The following CDYL variants were observed in gnomAD, a reference collection of about 807,000 sequenced individuals.
The protein encoded by CDYL is chromodomain Y-like protein.
A neutral mutation model predicts 47.3 loss-of-function variants in CDYL; 8 were observed. That is an observed-to-expected ratio of 0.17 (90% CI 0.10 to 0.31). CDYL has a LOEUF of 0.31. Among genes scored for constraint, CDYL ranks in the 10% least tolerant of loss-of-function variants. The pLI is 1.00. For missense variants in CDYL, 471 were observed against 701.4 expected (o/e 0.67, Z 3.71); for synonymous variants, 266 against 265.0 (o/e 1.00, Z -0.04).
upstream of CDYL, among the ~76,000 whole-genome samples, chr6:4,774,003 A>C (rs201790425): frequency 6.6e-6 from 1 of 152,088 alleles, no homozygotes; most frequent in Non-Finnish European, 1.5e-5. Flanking sequence ...GTGGATGTCT[A>C]TGTTCCTTTC....
chr6:4,744,247 C>G (rs1201387589), intron 3 of CDYL, among the ~76,000 whole-genome samples: 1 of 152,184 alleles, frequency 6.6e-6, no homozygotes, highest in Non-Finnish European at 1.5e-5. Context: ...AATCCCAGCA[C>G]TCTGGGAGGC....
At chr6:4,729,257 G>A (rs894650934) in intron 2 of CDYL, among the ~76,000 whole-genome samples, 1 of 152,068 alleles carries the variant, frequency 6.6e-6, no homozygotes, top group African/African-American at 2.4e-5. Flanking sequence ...GCTGGCATCC[G>A]GCAAGGTCCT....
chr6:4,725,185 T>C (rs1036466495), intron 2 of CDYL, among the ~76,000 whole-genome samples: 11 of 152,246 alleles, frequency 7.2e-5, no homozygotes, highest in Non-Finnish European at 1.5e-4. Flanking sequence ...TACAGAGTGC[T>C]GATTGGTGTA....
At position 4,954,088 on chromosome 6, in the gene CDYL, C is replaced by T. The variant is rs753436801; in HGVS notation, c.*32C>T. On this transcript the variant is annotated 3_prime_UTR_variant, in exon 7 of 7. Transcript: ENST00000397588. ...GGCTGCCCACTGGTGACACCGGGATCGGGCTGAGCAGGAGAACATCACCGG... is the reference window on the plus strand; with the variant it reads ...GGCTGCCCACTGGTGACACCGGGATTGGGCTGAGCAGGAGAACATCACCGG... 2.7e-5 allele frequency: 43 copies of T among 1,599,340 alleles called. No individual in the cohort carries two copies. Among genetic ancestry groups the T allele is most frequent in the South Asian group, 4.5e-5 (4 of 88,734 alleles).
chr6:4,925,584 T>C (rs1487291428), intron 2 of CDYL, among the ~76,000 whole-genome samples: 2 of 151,762 alleles, frequency 1.3e-5, no homozygotes, highest in Admixed American at 1.3e-4. Context: ...CTCGGCTAAT[T>C]TTTTTGTATT....
intron 1 of CDYL, among the ~76,000 whole-genome samples, chr6:4,823,355 AC>A (rs1217880664): frequency 2.0e-5 from 3 of 152,198 alleles, no homozygotes; most frequent in Non-Finnish European, 4.4e-5. Context: ...TCTAGGGGTG[AC>A]TTTTGGTCTG....
At chr6:4,776,263 C>G (rs1471337875), upstream of CDYL, among the ~76,000 whole-genome samples, 1 of 144,500 alleles carries the variant, frequency 6.9e-6, no homozygotes, top group Non-Finnish European at 1.5e-5. Context: ...GAGCGGAGCC[C>G]ACTGCTCCCC....
At chr6:4,901,108 A>G (rs1018164857) in intron 2 of CDYL, among the ~76,000 whole-genome samples, 9 of 151,854 alleles carry the variant, frequency 5.9e-5, no homozygotes, top group African/African-American at 2.2e-4. Context: ...TGAATATACC[A>G]AAGTATATTT....
intron 3 of CDYL, among the ~76,000 whole-genome samples, chr6:4,769,543 A>G (rs375031187): frequency 1.3e-5 from 2 of 152,204 alleles, no homozygotes; most frequent in South Asian, 4.1e-4. Context: ...TGCTAAATGT[A>G]AAGCAATTGC....
At chr6:4,818,066 G>A (rs1337787793) in intron 1 of CDYL, among the ~76,000 whole-genome samples, 1 of 152,084 alleles carries the variant, frequency 6.6e-6, no homozygotes, top group African/African-American at 2.4e-5. Flanking sequence ...GACCAGCCTT[G>A]GCAACATGGC....
intron 2 of CDYL, among the ~76,000 whole-genome samples, chr6:4,916,397 A>G (rs750880935): frequency 6.6e-6 from 1 of 152,194 alleles, no homozygotes; most frequent in Non-Finnish European, 1.5e-5. Context: ...TATAAAATCT[A>G]TGTACTTGTG....
At chr6:4,723,952 T>C (rs1757426966) in intron 2 of CDYL, among the ~76,000 whole-genome samples, 1 of 152,322 alleles carries the variant, frequency 6.6e-6, no homozygotes, top group South Asian at 2.1e-4. Flanking sequence ...GAATGAGCCC[T>C]GGGGATTAAA....
intron 2 of CDYL, among the ~76,000 whole-genome samples, chr6:4,928,900 G>C (rs1484507758): frequency 6.6e-6 from 1 of 152,030 alleles, no homozygotes; most frequent in Non-Finnish European, 1.5e-5. Flanking sequence ...TTTTTGTTAA[G>C]TTGGTATGAA....
intron 3 of CDYL, among the ~76,000 whole-genome samples, chr6:4,766,830 C>T (rs992886347): frequency 6.6e-6 from 1 of 151,702 alleles, no homozygotes; most frequent in Non-Finnish European, 1.5e-5. Context: ...CTGGTGAAAC[C>T]CTGTTCTCCA....
intron 1 of CDYL, among the ~76,000 whole-genome samples, chr6:4,787,265 T>TA (rs1281784157): frequency 6.6e-6 from 1 of 152,048 alleles, no homozygotes; most frequent in African/African-American, 2.4e-5. Flanking sequence ...AGGGAGGTGC[T>TA]AACTAGACTG....
intron 2 of CDYL, among the ~76,000 whole-genome samples, chr6:4,932,882 A>G (rs1758072802): frequency 6.6e-6 from 1 of 151,742 alleles, no homozygotes; most frequent in South Asian, 2.1e-4. Context: ...GTTTTTATTG[A>G]TCGATTTTTA....
rs567627047 is a variant in CDYL, at chr6:4,721,910, T to C, written c.103+6029T>C. ...TGGAGTCTTGCTCTGTCGCCCAGGC[T>C]GAAATGCAGTAGCGTGATTTCGGCT... On this transcript the variant is annotated intron_variant, in intron 2 of 8. Coordinates refer to the CDYL transcript ENST00000328908. Among the ~76,000 whole-genome samples, 5 of 152,078 alleles carry C rather than the reference T, an allele frequency of 3.3e-5. No individual in the cohort carries two copies. In the East Asian group the frequency reaches 7.8e-4, roughly 24 times the overall value.
intron 1 of CDYL, among the ~76,000 whole-genome samples, chr6:4,853,559 A>C (rs1351613609): frequency 6.6e-6 from 1 of 152,046 alleles, no homozygotes; most frequent in Admixed American, 6.5e-5. Context: ...CTCTTAAAGT[A>C]TCTCTTGAGT....
chr6:4,707,405 G>A lies in CDYL; in HGVS notation c.-39+1154G>A, dbSNP rs538156001. Among the ~76,000 whole-genome samples, 102 of 152,300 alleles carry A rather than the reference G, an allele frequency of 6.7e-4. 2 individuals carry two copies. Among genetic ancestry groups the A allele is most frequent in the Admixed American group, 6.6e-3 (101 of 15,300 alleles). ...CGATTCTCCTGCCTCAGCCTCCTGA[G>A]TAGCTGGGACTACAGGCATGTGACA... On this transcript the variant is annotated intron_variant, in intron 1 of 8. Coordinates refer to the CDYL transcript ENST00000328908.
Sources: allele counts gnomAD v4.1 joint callset (sites outside exome capture counted in the v4.1 genomes callset), GRCh38; gene constraint gnomAD v4.1.1; transcripts MANE v1.5; gene names NCBI Gene and HGNC (gene_info 2026-07-23, HGNC 2026-07-21).